The following ARHGEF11 variants were observed in gnomAD, a reference collection of about 807,000 sequenced individuals.
ARHGEF11 encodes the protein Rho guanine nucleotide exchange factor 11.
In ARHGEF11, 55 loss-of-function variants were observed where a neutral mutation model predicts 193.7. The ratio of observed to expected loss-of-function variants is 0.28; its 90% CI spans 0.23 to 0.36. ARHGEF11 has a LOEUF of 0.36. ARHGEF11 is among the 10% of genes least tolerant of loss of function. The pLI is 1.00. For synonymous variants in ARHGEF11, 693 were observed against 768.0 expected, an observed-to-expected ratio of 0.90 and a Z score of 1.62; for missense variants, 1,723 against 2,005.6, an observed-to-expected ratio of 0.86 and a Z score of 2.69.
chr1:156,993,332 C>T (rs907586478), intron 1 of ARHGEF11, among the ~76,000 whole-genome samples: 5 of 152,104 alleles, frequency 3.3e-5, no homozygotes, highest in South Asian at 2.1e-4. Flanking sequence ...CACATATATA[C>T]ATCACATGTG....
At chr1:156,946,880 A>G in intron 27 of ARHGEF11, 56 bp downstream of exon 27, 1 of 1,613,248 alleles carries the variant, frequency 6.2e-7, no homozygotes, top group South Asian at 1.1e-5. Flanking sequence ...TTGGGTAATG[A>G]GACCCTGCCT....
chr1:156,942,306 A>T (rs561890263), intron 33 of ARHGEF11, among the ~76,000 whole-genome samples: 1 of 152,334 alleles, frequency 6.6e-6, no homozygotes, highest in Admixed American at 6.5e-5. Context: ...GTCTGACTCA[A>T]CCTGTCTCCT....
chr1:156,956,108 C>T (rs1040919868), intron 19 of ARHGEF11, among the ~76,000 whole-genome samples: 2 of 152,102 alleles, frequency 1.3e-5, no homozygotes, highest in African/African-American at 4.8e-5. Context: ...TCCAGGACAG[C>T]TCTGTTACCT....
intron 1 of ARHGEF11, among the ~76,000 whole-genome samples, chr1:156,988,774 C>T (rs1665293315): frequency 6.6e-6 from 1 of 152,000 alleles, no homozygotes; most frequent in Non-Finnish European, 1.5e-5. Flanking sequence ...GAGATGGCAA[C>T]GTAAGTATAC....
intron 18 of ARHGEF11, among the ~76,000 whole-genome samples, chr1:156,957,156 T>G (rs1660067754): frequency 6.6e-6 from 1 of 152,174 alleles, no homozygotes; most frequent in African/African-American, 2.4e-5. Context: ...ACCCACAATT[T>G]GCTGGATGGA....
intron 1 of ARHGEF11, among the ~76,000 whole-genome samples, chr1:157,040,422 AG>A (rs1672595382): frequency 6.6e-6 from 1 of 152,218 alleles, no homozygotes; most frequent in Non-Finnish European, 1.5e-5. Context: ...ATTTTGAATT[AG>A]GAAAGTCATA....
intron 21 of ARHGEF11, among the ~76,000 whole-genome samples, chr1:156,953,956 T>C (rs1659505939): frequency 6.6e-6 from 1 of 152,206 alleles, no homozygotes; most frequent in Admixed American, 6.5e-5. Context: ...GGAGGTGCTA[T>C]ACTGAAGGGC....
intron 1 of ARHGEF11, among the ~76,000 whole-genome samples, chr1:156,999,837 T>G (rs1001401306): frequency 2.0e-5 from 3 of 152,174 alleles, no homozygotes; most frequent in Non-Finnish European, 4.4e-5. Context: ...TGTGTGGCAC[T>G]GGGCAAGCCA....
Position 156,947,749 on chromosome 1 carries a change from G to A in ARHGEF11, c.2341+20C>T. The A allele has an allele frequency of 6.2e-7, 1 of 1,610,792 alleles. No individual in the cohort carries two copies. The highest frequency in any genetic ancestry group is 8.5e-7 in the Non-Finnish European group (1 of 1,178,756). On this transcript the variant is annotated intron_variant, in intron 25 of 40. Transcript: ENST00000368194. The stretch of plus-strand genomic sequence containing the variant: ...CCCACACGTGTGAGCGGAGCTGGGG[G>A]CAGTGGAGCACGTTCTCACCATTGA...
rs1229484261 is a variant in ARHGEF11 at position 156,958,743 on chromosome 1, A to G, written c.1501T>C (p.Leu501=). The part of the protein sequence containing the change: ...EKQLAALGDI[L]SKYEEDRSAP... ...GTGGGAGGAAGCTGAAAGACTCACA[A>G]AATATCTCCAAGGGCAGCCAGCTGC... The change falls in exon 17 of 41, where the codon TTG becomes CTG. Residue 501 remains leucine (L), a splice_region_variant and synonymous_variant. Transcript: ENST00000368194. The G allele has an allele frequency of 2.5e-6, 4 of 1,614,182 alleles. No homozygotes were observed. The highest frequency in any genetic ancestry group is 1.3e-5 in the African/African-American group (1 of 75,038).
rs556758571 is a variant in ARHGEF11, at chr1:156,948,368, T to C, written c.2056A>G (p.Thr686Ala). ...DVDMDAAAEA[T>A]RLHQSASSST... The stretch of plus-strand genomic sequence containing the variant: ...GACGAGGCTGACTGGTGCAGGCGAG[T>C]AGCCTCCGCAGCAGCATCCATGTCA... The change falls in exon 23 of 41, where the codon ACT becomes GCT. Residue 686 changes from threonine (T) to alanine (A), a missense_variant. Coordinates refer to ENST00000368194, the MANE Select transcript of ARHGEF11 (RefSeq NM_198236.3). This position sits in a 1 kb window ranked among gnomAD's most constrained non-coding sequence, Gnocchi z 4.2. 6.2e-7 allele frequency: 1 copy of C among 1,614,068 alleles called. No homozygotes were observed. The highest frequency in any genetic ancestry group is 1.1e-5 in the South Asian group (1 of 91,068).
intron 12 of ARHGEF11, 61 bp from the exon 13 acceptor site, chr1:156,963,365 C>G: frequency 6.5e-7 from 1 of 1,538,362 alleles, no homozygotes; most frequent in South Asian, 1.1e-5. Context: ...CGGGTTCCAG[C>G]TTAGCTCCCA....
At chr1:156,958,702 T>G in intron 17 of ARHGEF11, 40 bp downstream of exon 17, 1 of 1,613,324 alleles carries the variant, frequency 6.2e-7, no homozygotes, top group Non-Finnish European at 8.5e-7. Context: ...TCAACCTGCT[T>G]AGGATGTTCA....
intron 30 of ARHGEF11, 146 bp from the exon 31 acceptor site, chr1:156,944,579 GAAGAC>G: frequency 1.2e-6 from 1 of 813,752 alleles, no homozygotes; most frequent in Non-Finnish European, 2.0e-6. Flanking sequence ...TGTGCGGGAT[GAAGAC>G]AAGCAAAAAG....
intron 10 of ARHGEF11, 57 bp from the exon 11 acceptor site, chr1:156,968,181 C>G: frequency 6.4e-7 from 1 of 1,561,046 alleles, no homozygotes; most frequent in Admixed American, 1.8e-5. Context: ...CCTCAAGGCT[C>G]AGCTCATTTG....
intron 1 of ARHGEF11, among the ~76,000 whole-genome samples, chr1:157,036,159 GAA>G (rs1491325689): frequency 1.5e-5 from 2 of 135,714 alleles, no homozygotes; most frequent in Admixed American, 7.6e-5. Context: ...ATACATATAT[GAA>G]TATATATATG....
chr1:156,996,690 G>A (rs975749211), intron 1 of ARHGEF11, among the ~76,000 whole-genome samples: 116 of 146,532 alleles, frequency 7.9e-4, no homozygotes, highest in Non-Finnish European at 1.2e-3. Context: ...GGAGAATGGC[G>A]TGAACCCGGG....
chr1:156,969,099 G>T (rs1261250287), intron 10 of ARHGEF11, among the ~76,000 whole-genome samples, 183 bp downstream of exon 10: 3 of 152,214 alleles, frequency 2.0e-5, no homozygotes, highest in Non-Finnish European at 2.9e-5. Context: ...TGATAATCTT[G>T]CATGTTGGAT....
At chr1:156,945,446 C>A (rs1326796283) in intron 29 of ARHGEF11, 1 of 520,244 alleles carries the variant, frequency 1.9e-6, no homozygotes, top group African/African-American at 1.9e-5. Context: ...CCTGCCTCTA[C>A]TACAACCAGC....
Sources: gnomAD v4.1 joint callset for allele counts (sites outside exome capture counted in the v4.1 genomes callset) on GRCh38, gnomAD v4.1.1 for gene constraint, Gnocchi (gnomAD v3.1) non-coding constraint, MANE v1.5 for transcripts, NCBI Gene and HGNC (gene_info 2026-07-23, HGNC 2026-07-21) for gene names.